The following EYS variants were observed in gnomAD, a reference collection of about 807,000 sequenced individuals.
EYS encodes the protein protein eyes shut homolog.
A neutral mutation model predicts 282.1 loss-of-function variants in EYS; 250 were observed. That is an observed-to-expected ratio of 0.89 (90% CI 0.80 to 0.98). The LOEUF is 0.98. Ranked by LOEUF, EYS falls within the 50% of genes least tolerant of loss-of-function variation. EYS has a pLI of 0.00. For synonymous variants in EYS, 1,355 were observed against 1,282.9 expected, an observed-to-expected ratio of 1.06 and a Z score of -1.20; for missense variants, 4,016 against 3,709.0, an observed-to-expected ratio of 1.08 and a Z score of -2.15.
intron 22 of EYS, among the ~76,000 whole-genome samples, chr6:64,802,462 A>G (rs1327284287): frequency 6.6e-6 from 1 of 152,164 alleles, no homozygotes; most frequent in Non-Finnish European, 1.5e-5. Context: ...TTCTCTTATC[A>G]AATGAAGCAG....
At chr6:64,195,780 A>G (rs1293123827) in intron 31 of EYS, among the ~76,000 whole-genome samples, 4 of 152,116 alleles carry the variant, frequency 2.6e-5, no homozygotes, top group Non-Finnish European at 5.9e-5. Context: ...TCATTTTCTC[A>G]GTGTATTAAA....
chr6:64,797,995 G>GGT (rs200488854), intron 22 of EYS, among the ~76,000 whole-genome samples: 14 of 151,592 alleles, frequency 9.2e-5, no homozygotes, highest in South Asian at 2.1e-4. Context: ...GATAAACCTA[G>GGT]ATATATATAC....
At chr6:65,660,123 A>G (rs1767954890) in intron 1 of EYS, among the ~76,000 whole-genome samples, 1 of 151,830 alleles carries the variant, frequency 6.6e-6, no homozygotes, top group East Asian at 1.9e-4. Context: ...TCAAAAGATC[A>G]TGAAACCAAC....
chr6:63,861,736 G>C (rs1455574679), intron 36 of EYS, among the ~76,000 whole-genome samples: 1 of 152,118 alleles, frequency 6.6e-6, no homozygotes, highest in Non-Finnish European at 1.5e-5. Flanking sequence ...TGGGATTAGT[G>C]CCCTTATAAA....
chr6:64,245,558 C>A (rs956490200), intron 30 of EYS, among the ~76,000 whole-genome samples: 1 of 152,106 alleles, frequency 6.6e-6, no homozygotes, highest in Non-Finnish European at 1.5e-5. Flanking sequence ...ATAAGCATAA[C>A]TTTAAAAAAA....
At chr6:64,081,199 A>G (rs1268587195) in intron 32 of EYS, among the ~76,000 whole-genome samples, 1 of 152,208 alleles carries the variant, frequency 6.6e-6, no homozygotes. Flanking sequence ...AGGAATTGTT[A>G]AAATGATTGT....
intron 13 of EYS, among the ~76,000 whole-genome samples, chr6:65,049,799 C>T (rs547565763): frequency 1.6e-3 from 245 of 151,762 alleles, no homozygotes; most frequent in South Asian, 6.2e-3. Context: ...ATAAAACGTA[C>T]GGTATAGTTA....
intron 36 of EYS, among the ~76,000 whole-genome samples, chr6:63,859,117 C>T (rs1772472695): frequency 7.0e-5 from 6 of 86,132 alleles, no homozygotes; most frequent in East Asian, 7.6e-4. Flanking sequence ...TTTTTAATAG[C>T]TGGGATGGAG....
chr6:65,541,227 T>G (rs966133068), intron 2 of EYS, among the ~76,000 whole-genome samples: 144 of 152,276 alleles, frequency 9.5e-4, no homozygotes, highest in African/African-American at 3.3e-3. Flanking sequence ...TCCTTTAATC[T>G]AATATACAAA....
chr6:65,679,015 G>C (rs1768728636), intron 1 of EYS, among the ~76,000 whole-genome samples: 1 of 151,944 alleles, frequency 6.6e-6, no homozygotes. Flanking sequence ...TCAATAATCA[G>C]AGAGGATGTG....
chr6:65,300,340 T>A (rs1374075083), intron 11 of EYS, among the ~76,000 whole-genome samples: 1 of 152,172 alleles, frequency 6.6e-6, no homozygotes, highest in East Asian at 1.9e-4. Context: ...TTACTTGACT[T>A]CCTATTTTAA....
chr6:65,359,493 G>C (rs1280041269), intron 8 of EYS, among the ~76,000 whole-genome samples: 1 of 151,920 alleles, frequency 6.6e-6, no homozygotes, highest in Non-Finnish European at 1.5e-5. Context: ...TCTTAGGAAA[G>C]ATAATGATTT....
chr6:64,114,986 A>G (rs924684861), intron 31 of EYS, among the ~76,000 whole-genome samples: 3 of 152,068 alleles, frequency 2.0e-5, no homozygotes, highest in Non-Finnish European at 4.4e-5. Context: ...CTGTGCCTTG[A>G]TCATTGGAGC....
intron 26 of EYS, among the ~76,000 whole-genome samples, chr6:64,585,431 A>T (rs1279382398): frequency 6.6e-6 from 1 of 152,146 alleles, no homozygotes; most frequent in East Asian, 1.9e-4. Context: ...TACACCATGT[A>T]ACGAACCTGC....
chr6:65,051,464 A>C (rs540159090), intron 13 of EYS, among the ~76,000 whole-genome samples: 1 of 151,628 alleles, frequency 6.6e-6, no homozygotes, highest in Non-Finnish European at 1.5e-5. Flanking sequence ...GTAGCATTCA[A>C]TGTGATGTTT....
intron 2 of EYS, among the ~76,000 whole-genome samples, chr6:65,592,156 CAT>C (rs368157888): frequency 1.7e-3 from 264 of 151,982 alleles, no homozygotes; most frequent in Middle Eastern, 6.8e-3. Flanking sequence ...TTTCACTTTT[CAT>C]AGTTAATTTA....
intron 12 of EYS, among the ~76,000 whole-genome samples, chr6:65,218,793 G>T (rs186007012): frequency 6.6e-6 from 1 of 152,108 alleles, no homozygotes; most frequent in East Asian, 1.9e-4. Flanking sequence ...AAATCATCTA[G>T]CCTAGAATGG....
intron 33 of EYS, among the ~76,000 whole-genome samples, chr6:64,034,014 A>G (rs1769994854): frequency 6.6e-6 from 1 of 152,216 alleles, no homozygotes; most frequent in Non-Finnish European, 1.5e-5. Context: ...ATTAACATAA[A>G]TTCAACAAAA....
intron 40 of EYS, among the ~76,000 whole-genome samples, chr6:63,771,225 T>G (rs143472609): frequency 7.7e-4 from 117 of 152,260 alleles, no homozygotes; most frequent in African/African-American, 2.3e-3. Context: ...AATAAGATGA[T>G]AAATTACTCT....
Sources: allele counts gnomAD v4.1 joint callset (sites outside exome capture counted in the v4.1 genomes callset), GRCh38; gene constraint gnomAD v4.1.1; transcripts MANE v1.5; gene names NCBI Gene and HGNC (gene_info 2026-07-23, HGNC 2026-07-21).